Variants in NFYC observed in about 807,000 individuals in gnomAD.
The protein encoded by NFYC is nuclear transcription factor Y subunit gamma.
A neutral mutation model predicts 53.1 loss-of-function variants in NFYC; 25 were observed. The observed-to-expected ratio is 0.47, with a 90% CI of 0.34 to 0.66. NFYC has a LOEUF of 0.66. Ranked by LOEUF, NFYC falls within the 30% of genes least tolerant of loss-of-function variation. NFYC has a pLI of 0.01. For missense variants in NFYC, 260 were observed against 422.7 expected, an observed-to-expected ratio of 0.62 and a Z score of 3.38; for synonymous variants, 145 against 152.6, an observed-to-expected ratio of 0.95 and a Z score of 0.37.
intron 9 of NFYC, 83 bp downstream of exon 9, chr1:40,769,498 G>C (rs1166714949): frequency 6.6e-6 from 8 of 1,209,036 alleles, no homozygotes; most frequent in Non-Finnish European, 9.9e-6. Context: ...GGATGGTTAG[G>C]GCAACTGTCC....
At chr1:40,745,708 C>A (rs1381548168) in intron 2 of NFYC, among the ~76,000 whole-genome samples, 3 of 152,198 alleles carry the variant, frequency 2.0e-5, no homozygotes, top group African/African-American at 7.2e-5. Context: ...ATCCCTCACT[C>A]TCCCTCCAGC....
At chr1:40,715,958 C>T (rs995226274) in intron 1 of NFYC, among the ~76,000 whole-genome samples, 9 of 152,156 alleles carry the variant, frequency 5.9e-5, no homozygotes, top group Admixed American at 3.3e-4. Context: ...GAAGTACTAC[C>T]GTTTTGGTCT....
intron 1 of NFYC, among the ~76,000 whole-genome samples, chr1:40,719,285 A>G (rs1331443661): frequency 1.3e-5 from 2 of 152,258 alleles, no homozygotes; most frequent in Non-Finnish European, 1.5e-5. Context: ...ATGGCTGGAT[A>G]ATTAAAATAA....
At position 40,753,225 on chromosome 1, in the gene NFYC, A is replaced by G. The variant is rs867323822; in HGVS notation, c.366A>G (p.Glu122=). The G allele has an allele frequency of 1.9e-6, 3 of 1,613,922 alleles. No homozygotes were observed. The highest frequency in any genetic ancestry group is 1.7e-4 in the Middle Eastern group (1 of 6,058). The change falls in exon 5 of 10, where the codon GAA becomes GAG. Residue 122 remains glutamate (E), a synonymous_variant. Transcript: ENST00000447388. ...TCATCGATATTGTTCCAAGAGATGAACTGAAACCTCCAAAGCGTCAGGTGA... is the reference window on the plus strand; with the variant it reads ...TCATCGATATTGTTCCAAGAGATGAGCTGAAACCTCCAAAGCGTCAGGTGA... ...DFLIDIVPRD[E]LKPPKRQEEV...
chr1:40,738,280 G>A (rs967364286), intron 1 of NFYC, among the ~76,000 whole-genome samples: 5 of 152,142 alleles, frequency 3.3e-5, no homozygotes, highest in African/African-American at 9.7e-5. Context: ...TGATCCTCCT[G>A]GCTCACCTTC....
chr1:40,693,344 C>T (rs1306031983), intron 1 of NFYC, among the ~76,000 whole-genome samples: 3 of 152,132 alleles, frequency 2.0e-5, no homozygotes, highest in Admixed American at 6.5e-5. Flanking sequence ...TACATTTGCT[C>T]GTCCCAGTGT....
chr1:40,728,696 G>A (rs1353783405), intron 1 of NFYC, among the ~76,000 whole-genome samples: 1 of 152,090 alleles, frequency 6.6e-6, no homozygotes, highest in Non-Finnish European at 1.5e-5. Flanking sequence ...GGAGTGCAGT[G>A]GTGCAATCTT....
In NFYC at chr1:40,757,157, G is replaced by T. The variant is rs915117229; in HGVS notation, c.388-964G>T. 3.9e-5 allele frequency: 10 copies of T among 254,842 alleles called. No homozygotes were observed. In the South Asian group the frequency reaches 4.4e-4, roughly 11 times the overall value. The allele number at this position is 254,842 out of a possible 1,614,324, so 15.8% of individuals were successfully genotyped here. A position where few individuals can be genotyped will look rare whatever the true frequency, so the allele number is the denominator to read the frequency against. On this transcript the variant is annotated intron_variant, in intron 5 of 9. Coordinates refer to ENST00000447388, the MANE Select transcript of NFYC (RefSeq NM_014223.5). The stretch of plus-strand genomic sequence containing the variant: ...TATTTTTACTCAGCCAGCCCAAGTG[G>T]TTCTGTGTTTTTATTGTTTTTGTTG...
chr1:40,707,042 C>T (rs1332402819), intron 1 of NFYC, among the ~76,000 whole-genome samples: 1 of 151,738 alleles, frequency 6.6e-6, no homozygotes, highest in African/African-American at 2.4e-5. Context: ...TGGTGGTGGG[C>T]ACCTGTAATC....
At chr1:40,743,348 T>TGTGTAAAA (rs1440435228) in intron 2 of NFYC, among the ~76,000 whole-genome samples, 1 of 152,184 alleles carries the variant, frequency 6.6e-6, no homozygotes, top group Non-Finnish European at 1.5e-5. Context: ...AACCCTATAT[T>TGTGTAAAA]CCCGCACAGC....
intron 1 of NFYC, chr1:40,730,676 A>G: frequency 1.2e-6 from 1 of 861,048 alleles, no homozygotes; most frequent in East Asian, 1.2e-4. Flanking sequence ...ATGGTTGGGA[A>G]CTCAACCCAA....
chr1:40,734,252 T>C (rs1349594658), intron 1 of NFYC, among the ~76,000 whole-genome samples: 1 of 152,236 alleles, frequency 6.6e-6, no homozygotes, highest in African/African-American at 2.4e-5. Flanking sequence ...TCCATGGGCT[T>C]GTAGATGTTG....
intron 6 of NFYC, among the ~76,000 whole-genome samples, chr1:40,762,013 G>A (rs759283829): frequency 1.3e-5 from 2 of 148,188 alleles, no homozygotes; most frequent in Non-Finnish European, 3.0e-5. Context: ...CAGTACTAAA[G>A]GTTTGAGATT....
intron 2 of NFYC, among the ~76,000 whole-genome samples, chr1:40,745,156 AAAG>A (rs1434657415): frequency 6.6e-6 from 1 of 152,216 alleles, no homozygotes; most frequent in East Asian, 1.9e-4. Context: ...GCTTTTGATT[AAAG>A]AAGAGAAATT....
In NFYC at chr1:40,717,099, T is replaced by C. The variant is rs138582704; in HGVS notation, c.-8-21737T>C. On this transcript the variant is annotated intron_variant, in intron 1 of 9. Transcript: ENST00000447388. Reference sequence around the variant, plus strand: ...TGGAGAAATATCAAAATTGGTAATGTATATTTGGAATTTAGGATCATAGAG... The same window carrying C: ...TGGAGAAATATCAAAATTGGTAATGCATATTTGGAATTTAGGATCATAGAG... Among the ~76,000 whole-genome samples, 280 of 152,246 alleles carry C rather than the reference T, an allele frequency of 1.8e-3. 3 individuals carry two copies. Among genetic ancestry groups the C allele is most frequent in the African/African-American group, 6.3e-3 (261 of 41,538 alleles).
chr1:40,769,512 CCT>C, intron 9 of NFYC, 97 bp downstream of exon 9: 1 of 963,422 alleles, frequency 1.0e-6, no homozygotes. Context: ...ACTGTCCTGT[CCT>C]CTACTAACAG....
intron 1 of NFYC, among the ~76,000 whole-genome samples, chr1:40,698,815 A>C (rs1643285174): frequency 6.6e-6 from 1 of 152,320 alleles, no homozygotes; most frequent in East Asian, 1.9e-4. Flanking sequence ...AAATACATTC[A>C]TGAGTATGAA....
chr1:40,737,051 TGGG>T (rs1210893488), intron 1 of NFYC, among the ~76,000 whole-genome samples: 2 of 142,378 alleles, frequency 1.4e-5, no homozygotes, highest in African/African-American at 5.2e-5. Flanking sequence ...CACATGAACC[TGGG>T]AGGCAGAGGT....
chr1:40,714,806 C>T (rs898240656), intron 1 of NFYC, among the ~76,000 whole-genome samples: 1 of 152,080 alleles, frequency 6.6e-6, no homozygotes, highest in East Asian at 1.9e-4. Context: ...GAGGGCAGGG[C>T]GTGGTGGCTC....
Sources: gnomAD v4.1 joint callset for allele counts (sites outside exome capture counted in the v4.1 genomes callset) on GRCh38, gnomAD v4.1.1 for gene constraint, MANE v1.5 for transcripts, NCBI Gene and HGNC (gene_info 2026-07-23, HGNC 2026-07-21) for gene names.